Variants in LY86 observed in about 807,000 individuals in gnomAD.
The protein encoded by LY86 is lymphocyte antigen 86.
In LY86, 20 loss-of-function variants were observed where a neutral mutation model predicts 17.3. The observed-to-expected ratio is 1.15, with a 90% CI of 0.81 to 1.68. LY86 has a LOEUF of 1.68. Among genes scored for constraint, LY86 ranks in the 40% most tolerant of loss-of-function variants. LY86 has a pLI of 0.00. For missense variants in LY86, 200 were observed against 191.9 expected, an observed-to-expected ratio of 1.04 and a Z score of -0.25; for synonymous variants, 74 against 70.6, an observed-to-expected ratio of 1.05 and a Z score of -0.24.
intron 1 of LY86, among the ~76,000 whole-genome samples, chr6:6,616,871 AC>A (rs1761567392): frequency 6.6e-6 from 1 of 152,216 alleles, no homozygotes; most frequent in African/African-American, 2.4e-5. Flanking sequence ...CTGTCAAGAG[AC>A]AGACAAATGC....
chr6:6,605,386 C>T (rs915012904), intron 1 of LY86, among the ~76,000 whole-genome samples: 1 of 152,206 alleles, frequency 6.6e-6, no homozygotes, highest in Non-Finnish European at 1.5e-5. Context: ...GCAGCTGCTT[C>T]CAAACTCATG....
At chr6:6,599,704 C>A (rs1240746606) in intron 1 of LY86, among the ~76,000 whole-genome samples, 1 of 152,222 alleles carries the variant, frequency 6.6e-6, no homozygotes, top group African/African-American at 2.4e-5. Context: ...CCTTATAGGA[C>A]TGGAAAATGT....
chr6:6,620,554 G>T (rs1266614377), intron 1 of LY86, among the ~76,000 whole-genome samples: 1 of 152,084 alleles, frequency 6.6e-6, no homozygotes, highest in East Asian at 1.9e-4. Context: ...GAGTGTACCC[G>T]GGCCCCCACC....
At chr6:6,633,244 G>A (rs1761918487) in intron 3 of LY86, among the ~76,000 whole-genome samples, 2 of 152,146 alleles carry the variant, frequency 1.3e-5, no homozygotes, top group Admixed American at 1.3e-4. Flanking sequence ...GCTCATGTTT[G>A]GACTGTCAAG....
chr6:6,613,630 C>G (rs1003157048), intron 1 of LY86, among the ~76,000 whole-genome samples: 2 of 152,250 alleles, frequency 1.3e-5, no homozygotes, highest in Admixed American at 6.5e-5. Flanking sequence ...GCGCTTCCCC[C>G]TTCATATCTC....
rs377365666 is a variant in LY86, at chr6:6,595,371, AGAAG to A, written c.136+6502_136+6505del. ...GCAGGAGAGGAGAAGGGGAGAAGAA[AGAAG>A]AGAGGGGAGAAGAGAAGGAGGAAAA... On this transcript the variant is annotated intron_variant, in intron 1 of 4. Transcript: ENST00000230568. 0.016 allele frequency among the ~76,000 whole-genome samples: 244 copies of A among 15,508 alleles called. 2 individuals carry two copies. The East Asian group carries it at 0.16, about 10-fold the overall frequency. The allele number at this position is 15,508 out of a possible 152,430, so 10.2% of individuals were successfully genotyped here.
At chr6:6,608,658 T>A (rs1761257153) in intron 1 of LY86, among the ~76,000 whole-genome samples, 2 of 152,252 alleles carry the variant, frequency 1.3e-5, no homozygotes, top group African/African-American at 4.8e-5. Context: ...AGTTTTTAAA[T>A]GTTCTGAAGA....
At chr6:6,637,843 T>A (rs1333118298) in intron 3 of LY86, among the ~76,000 whole-genome samples, 1 of 152,240 alleles carries the variant, frequency 6.6e-6, no homozygotes, top group African/African-American at 2.4e-5. Context: ...ATCTACTTCA[T>A]TTCCATTTCT....
intron 2 of LY86, among the ~76,000 whole-genome samples, 173 bp downstream of exon 2, chr6:6,625,185 T>C (rs2233124): frequency 0.27 from 41,189 of 152,062 alleles, 6,965 homozygotes; most frequent in African/African-American, 0.48. Context: ...TGGGTTATAT[T>C]CAGGTAGGGT....
intron 3 of LY86, among the ~76,000 whole-genome samples, chr6:6,631,677 A>G (rs557873134): frequency 3.3e-5 from 5 of 152,314 alleles, no homozygotes; most frequent in East Asian, 1.9e-4. Context: ...CTTTTGGGCC[A>G]TGTGTTGGCA....
intron 3 of LY86, among the ~76,000 whole-genome samples, chr6:6,647,200 T>C (rs1762118911): frequency 6.6e-6 from 1 of 152,218 alleles, no homozygotes; most frequent in South Asian, 2.1e-4. Context: ...ATATTCATGC[T>C]TCTCTCAAAT....
intron 3 of LY86, among the ~76,000 whole-genome samples, chr6:6,645,995 G>C (rs769522895): frequency 6.6e-6 from 1 of 152,226 alleles, no homozygotes; most frequent in East Asian, 1.9e-4. Flanking sequence ...GCTTGGGTCA[G>C]AGAGTATCTA....
chr6:6,605,401 T>A (rs1581235502), intron 1 of LY86, among the ~76,000 whole-genome samples: 1 of 152,128 alleles, frequency 6.6e-6, no homozygotes, highest in Non-Finnish European at 1.5e-5. Context: ...CTCATGTGAG[T>A]ACATCGCAAT....
intron 1 of LY86, among the ~76,000 whole-genome samples, chr6:6,600,877 G>A (rs972775743): frequency 2.0e-5 from 3 of 152,194 alleles, no homozygotes; most frequent in African/African-American, 7.2e-5. Context: ...ATTCTAGACT[G>A]ACCTACACTG....
chr6:6,613,606 C>T (rs1299392566), intron 1 of LY86, among the ~76,000 whole-genome samples: 1 of 152,218 alleles, frequency 6.6e-6, no homozygotes, highest in African/African-American at 2.4e-5. Context: ...CGCGCGCCGC[C>T]CGGGTTCCCG....
intron 1 of LY86, among the ~76,000 whole-genome samples, chr6:6,594,007 T>C (rs1048936057): frequency 3.3e-5 from 5 of 152,256 alleles, no homozygotes; most frequent in African/African-American, 9.6e-5. Flanking sequence ...CCTCCATAAA[T>C]ATTGTTGCCA....
At chr6:6,590,861 C>G (rs1367334848) in intron 1 of LY86, among the ~76,000 whole-genome samples, 2 of 151,992 alleles carry the variant, frequency 1.3e-5, no homozygotes, top group Non-Finnish European at 2.9e-5. Flanking sequence ...TCCAGATGGT[C>G]ACTCTAGTCA....
intron 1 of LY86, among the ~76,000 whole-genome samples, chr6:6,614,047 A>G (rs995125143): frequency 2.0e-5 from 3 of 152,250 alleles, no homozygotes; most frequent in African/African-American, 4.8e-5. Flanking sequence ...TGTTATTTAC[A>G]GCCTGTATTG....
At chr6:6,640,919 G>A (rs982167188) in intron 3 of LY86, among the ~76,000 whole-genome samples, 3 of 152,148 alleles carry the variant, frequency 2.0e-5, no homozygotes, top group Non-Finnish European at 2.9e-5. Flanking sequence ...GTGAAAGGCC[G>A]TAAAATAAAA....
Sources: allele counts gnomAD v4.1 joint callset (sites outside exome capture counted in the v4.1 genomes callset), GRCh38; gene constraint gnomAD v4.1.1; transcripts MANE v1.5; gene names NCBI Gene and HGNC (gene_info 2026-07-23, HGNC 2026-07-21).